EPB41: variants seen among roughly 807,000 people sequenced by gnomAD.
The protein encoded by EPB41 is erythrocyte membrane protein band 4.1.
EPB41 carries 65 observed loss-of-function variants against 108.0 expected under a neutral mutation model. The observed-to-expected ratio is 0.60, with a 90% CI of 0.49 to 0.74. The LOEUF (loss-of-function observed/expected upper bound fraction) is 0.74. Ranked by LOEUF, EPB41 falls within the 30% of genes least tolerant of loss-of-function variation. The pLI is 0.00. For synonymous variants in EPB41, 336 were observed against 358.9 expected (o/e 0.94, Z 0.72); for missense variants, 875 against 1,037.0 (o/e 0.84, Z 2.15).
chr1:28,996,550 A>C (rs1209703027), intron 3 of EPB41, among the ~76,000 whole-genome samples: 1 of 152,158 alleles, frequency 6.6e-6, no homozygotes, highest in African/African-American at 2.4e-5. Context: ...ACAGTTGCTC[A>C]TAGCATGCTA....
chr1:29,042,446 T>G (rs1641865255), intron 11 of EPB41, among the ~76,000 whole-genome samples: 1 of 152,090 alleles, frequency 6.6e-6, no homozygotes, highest in African/African-American at 2.4e-5. Flanking sequence ...GCTTCCATAC[T>G]GTGAGTCATG....
intron 1 of EPB41, among the ~76,000 whole-genome samples, chr1:28,915,886 T>C (rs2092619275): frequency 6.6e-6 from 1 of 152,176 alleles, no homozygotes. Flanking sequence ...CTGTAGTCAA[T>C]GCTGTTGCTC....
intron 1 of EPB41, among the ~76,000 whole-genome samples, chr1:28,929,230 A>AT (rs543860349): frequency 0.023 from 3,301 of 141,370 alleles, 129 homozygotes; most frequent in African/African-American, 0.076. Context: ...AATTTTTACT[A>AT]TTTTTTTTTT....
intron 16 of EPB41, among the ~76,000 whole-genome samples, chr1:29,082,343 C>T (rs1332457715): frequency 3.3e-5 from 5 of 152,138 alleles, no homozygotes; most frequent in East Asian, 1.9e-4. Context: ...AGGCTGGTCT[C>T]GAACTCCTGA....
intron 4 of EPB41, among the ~76,000 whole-genome samples, chr1:29,000,087 C>A (rs1024026737): frequency 2.0e-5 from 3 of 151,626 alleles, no homozygotes; most frequent in Non-Finnish European, 4.4e-5. Context: ...CTATGCCTTG[C>A]CACTATTGTA....
In EPB41 at chr1:29,044,317, T is replaced by TG. The variant is rs563833323; in HGVS notation, c.1636+4893dup. 1.0e-3 allele frequency among the ~76,000 whole-genome samples: 155 copies of TG among 152,336 alleles called. 1 individual carries two copies. Among genetic ancestry groups the TG allele is most frequent in the South Asian group, 2.7e-3 (13 of 4,822 alleles). On this transcript the variant is annotated intron_variant, in intron 11 of 20. Coordinates refer to ENST00000343067, the MANE Select transcript of EPB41 (RefSeq NM_001376013.1). ...ATGTTCCATGGCTTTCCTTGCTAAA[T>TG]GGAGTTTCATGGTTATATAGATACT...
At chr1:29,038,629 T>C (rs1314155759) in intron 10 of EPB41, among the ~76,000 whole-genome samples, 1 of 152,244 alleles carries the variant, frequency 6.6e-6, no homozygotes, top group Non-Finnish European at 1.5e-5. Context: ...GAATAAGCCA[T>C]GGTCTTTGTT....
At chr1:28,890,015 TA>T (rs1305713081) in intron 1 of EPB41, among the ~76,000 whole-genome samples, 2 of 35,212 alleles carry the variant, frequency 5.7e-5, no homozygotes, top group Non-Finnish European at 1.5e-4. Context: ...ATTTTATTTT[TA>T]TTTTTATTTT....
chr1:28,954,267 T>G (rs1005413908), intron 1 of EPB41, among the ~76,000 whole-genome samples: 3 of 152,242 alleles, frequency 2.0e-5, no homozygotes, highest in Non-Finnish European at 4.4e-5. Flanking sequence ...TTTATCATTG[T>G]TGTAGAGGGC....
intron 16 of EPB41, among the ~76,000 whole-genome samples, chr1:29,077,706 G>C (rs918669549): frequency 1.3e-5 from 2 of 152,058 alleles, no homozygotes; most frequent in Admixed American, 1.3e-4. Context: ...AATATTTTAG[G>C]CTTTGCAGGC....
intron 1 of EPB41, among the ~76,000 whole-genome samples, chr1:28,940,223 C>T (rs2094216891): frequency 6.6e-6 from 1 of 152,142 alleles, no homozygotes; most frequent in Non-Finnish European, 1.5e-5. Context: ...TTGGGCATTA[C>T]TTTCAGAATA....
At chr1:29,089,865 T>C (rs1428632005) in intron 16 of EPB41, among the ~76,000 whole-genome samples, 1 of 151,900 alleles carries the variant, frequency 6.6e-6, no homozygotes, top group East Asian at 1.9e-4. Flanking sequence ...AGCAGCATAA[T>C]AGAGGACACG....
Position 29,097,930 on chromosome 1 carries a change from G to A in EPB41, c.2308G>A (p.Ala770Thr), listed in dbSNP as rs756938979. 115 of 1,613,872 alleles carry A rather than the reference G, an allele frequency of 7.1e-5. No homozygotes were observed. Among genetic ancestry groups the A allele is most frequent in the Non-Finnish European group, 9.7e-5 (115 of 1,179,886 alleles). ...GACCAAGACCATCACTTATGAGGCT[G>A]CCCAGGTAGGACATGTTTTGATGCT... ...TETKTITYEA[A>T]QTDDNSGDLD... is the part of the protein sequence containing the mutation. The change falls in exon 17 of 21, where the codon GCC becomes ACC. Residue 770 changes from alanine (A) to threonine (T), a missense_variant. Ala to Thr is a moderately conservative substitution (Grantham distance 58). Around this residue, in one of 3 missense-constraint regions of EPB41, gnomAD observed 519 missense variants for 627.3 expected, o/e 0.83. Coordinates refer to ENST00000343067, the MANE Select transcript of EPB41 (RefSeq NM_001376013.1).
chr1:28,888,641 C>G lies in EPB41; in HGVS notation c.-8+1431C>G, dbSNP rs184780269. On this transcript the variant is annotated intron_variant, in intron 1 of 16. Coordinates refer to the EPB41 transcript ENST00000347529. ...GGAATTATTATTTCTTCTTTTTTTT[C>G]TTTTGAGACGGAGTCTCGCTCTGTC... is the stretch of plus-strand genomic sequence containing the variant. Among the ~76,000 whole-genome samples, 575 of 152,132 alleles carry G rather than the reference C, an allele frequency of 3.8e-3. 1 individual carries two copies. Among genetic ancestry groups the G allele is most frequent in the Middle Eastern group, 0.01 (3 of 294 alleles).
chr1:28,984,463 G>T (rs920362512), intron 1 of EPB41, among the ~76,000 whole-genome samples: 2 of 152,160 alleles, frequency 1.3e-5, no homozygotes, highest in African/African-American at 2.4e-5. Context: ...CATAGACCTT[G>T]ACTGTTTTGT....
intron 11 of EPB41, among the ~76,000 whole-genome samples, chr1:29,046,641 C>A (rs183208168): frequency 9.7e-4 from 148 of 152,204 alleles, no homozygotes; most frequent in South Asian, 1.9e-3. Flanking sequence ...AATTTTAGGG[C>A]AAAAGCTTCA....
At chr1:29,116,119 A>C (rs1670849357) in intron 20 of EPB41, among the ~76,000 whole-genome samples, 3 of 142,712 alleles carry the variant, frequency 2.1e-5, no homozygotes, top group African/African-American at 5.2e-5. Context: ...TCTTCTCTCT[A>C]CTGCTCTGCT....
chr1:29,053,034 C>A (rs769760700), intron 11 of EPB41, 70 bp from the exon 12 acceptor site: 17 of 1,523,230 alleles, frequency 1.1e-5, no homozygotes, highest in Non-Finnish European at 1.5e-5. Context: ...AATTATTTTG[C>A]CTGGTGACTT....
intron 1 of EPB41, among the ~76,000 whole-genome samples, chr1:28,977,944 A>ACTTTT (rs1553207522): frequency 3.3e-4 from 50 of 150,628 alleles, no homozygotes; most frequent in African/African-American, 1.0e-3. Context: ...TATCAGTTTC[A>ACTTTT]TTTTATATTC....
Sources: allele counts gnomAD v4.1 joint callset (sites outside exome capture counted in the v4.1 genomes callset), GRCh38; gene constraint gnomAD v4.1.1; regional missense constraint gnomAD v4.1.1; transcripts MANE v1.5; gene names NCBI Gene and HGNC (gene_info 2026-07-23, HGNC 2026-07-21).